PROSER2: variants seen among roughly 807,000 people sequenced by gnomAD.
The protein encoded by PROSER2 is proline and serine rich 2.
A neutral mutation model predicts 14.6 loss-of-function variants in PROSER2; 18 were observed. The observed-to-expected ratio is 1.23, with a 90% confidence interval of 0.85 to 1.83. PROSER2 has a LOEUF of 1.83. Among genes scored for constraint, PROSER2 ranks in the 40% most tolerant of loss-of-function variants. The probability of loss-of-function intolerance (pLI) is 0.00; values close to 1 mark genes in which losing one functional copy is unlikely to be tolerated. For synonymous variants in PROSER2, 367 were observed against 286.4 expected (o/e 1.28, Z -2.84); for missense variants, 823 against 629.8 (o/e 1.31, Z -3.28).
Position 11,869,746 on chromosome 10 carries a change from GTTCAGGGAGGGCC to G in PROSER2, c.649_661del (p.Phe217GlyfsTer132). 1 of 1,583,656 alleles carries G rather than the reference GTTCAGGGAGGGCC, an allele frequency of 6.3e-7. No homozygotes were observed. Among genetic ancestry groups the G allele is most frequent in the Non-Finnish European group, 8.6e-7 (1 of 1,166,350 alleles). On this transcript the variant is annotated frameshift_variant, in exon 4 of 4. Coordinates refer to ENST00000277570, the MANE Select transcript of PROSER2 (RefSeq NM_153256.4). LOFTEE classifies it low-confidence loss of function (END_TRUNC). This position sits in a 1 kb window ranked among gnomAD's most constrained non-coding sequence, Gnocchi z 4.4. Reference sequence around the variant, plus strand: ...ACGAAGCCCTCTCGCCCACCTCCCCGTTCAGGGAGGGCCGGCCCGGGGAGTGGAGGACACCTGC... The same window carrying G: ...ACGAAGCCCTCTCGCCCACCTCCCCGGGCCCGGGGAGTGGAGGACACCTGC...
At chr10:11,833,788 A>G (rs1277236534) in intron 1 of PROSER2, among the ~76,000 whole-genome samples, 2 of 152,222 alleles carry the variant, frequency 1.3e-5, no homozygotes, top group East Asian at 3.9e-4. Flanking sequence ...AATTGTATCC[A>G]AGTGGGAAAA....
Position 11,869,255 on chromosome 10 carries a change from T to C in PROSER2, c.392-235T>C. On this transcript the variant is annotated intron_variant, in intron 3 of 3. Transcript: ENST00000277570. This position sits in a 1 kb window ranked among gnomAD's most constrained non-coding sequence, Gnocchi z 4.4. ...CGGAATGTCTCCTAGGTGTGGACTG[T>C]CTGACTTGCAGGGCTATCGTGATTG... is the stretch of plus-strand genomic sequence containing the variant. 1.7e-6 allele frequency: 1 copy of C among 586,006 alleles called. No homozygotes were observed. Among genetic ancestry groups the C allele is most frequent in the Non-Finnish European group, 3.0e-6 (1 of 328,150 alleles). 36.3% of individuals were successfully genotyped at this position (586,006 alleles called of 1,614,324 possible). A position where few individuals can be genotyped will look rare whatever the true frequency, so the allele number is the denominator to read the frequency against.
In PROSER2 at chr10:11,862,835, A is replaced by AC. The variant is rs1439360656; in HGVS notation, c.139-3696_139-3695insC. 6.6e-6 allele frequency: 1 copy of AC among 152,060 alleles called. No individual in the cohort carries two copies. The highest frequency in any genetic ancestry group is 2.4e-5 in the African/African-American group (1 of 41,368). 9.4% of individuals were successfully genotyped at this position (152,060 alleles called of 1,614,324 possible). A position where few individuals can be genotyped will look rare whatever the true frequency, so the allele number is the denominator to read the frequency against. On this transcript the variant is annotated intron_variant, in intron 2 of 3. Transcript: ENST00000277570. This position sits in a 1 kb window ranked among gnomAD's most constrained non-coding sequence, Gnocchi z 4.2. Reference sequence around the variant, plus strand: ...TACTCACCTGTATTATGGAGAAAAAAAAGCTCAACATCATTAGTCTTCGTG... The same window carrying AC: ...TACTCACCTGTATTATGGAGAAAAAACAAGCTCAACATCATTAGTCTTCGTG...
Position 11,870,126 on chromosome 10 carries a change from A to G in PROSER2, c.1028A>G (p.Asn343Ser), listed in dbSNP as rs767757734. 30 of 1,372,926 alleles carry G rather than the reference A, an allele frequency of 2.2e-5. No individual in the cohort carries two copies. The highest frequency in any genetic ancestry group is 2.7e-5 in the Non-Finnish European group (29 of 1,068,628). 85.0% of individuals were successfully genotyped at this position (1,372,926 alleles called of 1,614,324 possible). The change falls in exon 4 of 4, where the codon AAC (asparagine) becomes AGC (serine). Residue 343 changes from asparagine (N) to serine (S), a missense_variant. By Grantham distance (46) the Asn-to-Ser change is conservative (BLOSUM62 1). Coordinates refer to ENST00000277570, the MANE Select transcript of PROSER2 (RefSeq NM_153256.4). The part of the protein sequence containing the change: ...GQAPRGPALA[N>S]GFPSAHEALK... Reference sequence around the variant, plus strand: ...GCTCCGCGGGGCCCGGCGCTGGCCAACGGCTTCCCAAGTGCGCACGAGGCC... The same window carrying G: ...GCTCCGCGGGGCCCGGCGCTGGCCAGCGGCTTCCCAAGTGCGCACGAGGCC...
intron 1 of PROSER2, among the ~76,000 whole-genome samples, chr10:11,843,896 G>T (rs1261664405): frequency 2.8e-5 from 4 of 145,382 alleles, no homozygotes; most frequent in Admixed American, 6.9e-5. Context: ...TAGGTTGAGG[G>T]TTTTTTTTTT....
chr10:11,842,456 T>C (rs1440241446), intron 1 of PROSER2, among the ~76,000 whole-genome samples: 1 of 152,070 alleles, frequency 6.6e-6, no homozygotes. Context: ...GTGGTTTCTC[T>C]AGAAATTTTA....
intron 2 of PROSER2, among the ~76,000 whole-genome samples, chr10:11,861,796 G>A (rs1168851822): frequency 6.6e-6 from 1 of 152,202 alleles, no homozygotes; most frequent in African/African-American, 2.4e-5. Context: ...CTTTACCAAA[G>A]AGTTGGCCAT....
At position 11,866,406 on chromosome 10, in the gene PROSER2, T is replaced by G. The variant is rs1588500621; in HGVS notation, c.139-125T>G. ...CACACGCAGGCACTGTGTGGCAGGGTACTCTCGGGACACAGTGAGTTCCGC... is the reference window on the plus strand; with the variant it reads ...CACACGCAGGCACTGTGTGGCAGGGGACTCTCGGGACACAGTGAGTTCCGC... On this transcript the variant is annotated intron_variant, in intron 2 of 3. Transcript: ENST00000277570. The surrounding 1 kb of genome is among the most constrained non-coding windows in gnomAD (Gnocchi z 6.0). The G allele has an allele frequency of 1.8e-5, 20 of 1,102,678 alleles. No individual in the cohort carries two copies. Among genetic ancestry groups the G allele is most frequent in the African/African-American group, 1.6e-5 (1 of 64,478 alleles). 68.3% of individuals were successfully genotyped at this position (1,102,678 alleles called of 1,614,324 possible).
At chr10:11,829,512 G>A (rs1011462446) in intron 1 of PROSER2, among the ~76,000 whole-genome samples, 1 of 151,852 alleles carries the variant, frequency 6.6e-6, no homozygotes, top group Middle Eastern at 3.2e-3. Flanking sequence ...AGCCCAGGAG[G>A]TTGAGGCTAC....
chr10:11,843,182 C>T (rs1302762858), intron 1 of PROSER2, among the ~76,000 whole-genome samples: 13 of 149,532 alleles, frequency 8.7e-5, no homozygotes, highest in South Asian at 4.2e-4. Flanking sequence ...CCTCGTGATC[C>T]GCCCACCTCG....
In PROSER2 at chr10:11,870,105, C is replaced by T. The variant is rs1243242713; in HGVS notation, c.1007C>T (p.Pro336Leu). The T allele has an allele frequency of 7.6e-7, 1 of 1,322,990 alleles. No homozygotes were observed. The highest frequency in any genetic ancestry group is 9.6e-7 in the Non-Finnish European group (1 of 1,038,916). 82.0% of individuals were successfully genotyped at this position (1,322,990 alleles called of 1,614,324 possible). A position where few individuals can be genotyped will look rare whatever the true frequency, so the allele number is the denominator to read the frequency against. The change falls in exon 4 of 4, where the codon CCG (proline) becomes CTG (leucine). Residue 336 changes from proline to leucine, a missense_variant. Coordinates refer to ENST00000277570, the MANE Select transcript of PROSER2 (RefSeq NM_153256.4). ...AESLRAGGQA[P>L]RGPALANGFP... Reference sequence around the variant, plus strand: ...AGTCTCCGGGCAGGGGGTCAGGCTCCGCGGGGCCCGGCGCTGGCCAACGGC... The same window carrying T: ...AGTCTCCGGGCAGGGGGTCAGGCTCTGCGGGGCCCGGCGCTGGCCAACGGC...
chr10:11,871,496 G>A lies in PROSER2; in HGVS notation c.*1090G>A, dbSNP rs79085103. ...ATCCAATTTTAGTTCTGCATGTTCC[G>A]AGGTAGCCAGTCAACAGAAGGAAGC... On this transcript the variant is annotated 3_prime_UTR_variant, in exon 4 of 4. Coordinates refer to ENST00000277570, the MANE Select transcript of PROSER2 (RefSeq NM_153256.4). 8.5e-5 allele frequency: 13 copies of A among 152,124 alleles called. No individual in the cohort carries two copies. Among genetic ancestry groups the A allele is most frequent in the African/African-American group, 2.7e-4 (11 of 41,396 alleles). The allele number at this position is 152,124 out of a possible 1,614,324, so 9.4% of individuals were successfully genotyped here. A position where few individuals can be genotyped will look rare whatever the true frequency, so the allele number is the denominator to read the frequency against.
intron 1 of PROSER2, among the ~76,000 whole-genome samples, chr10:11,841,873 T>A (rs1190355994): frequency 6.6e-6 from 1 of 152,228 alleles, no homozygotes; most frequent in East Asian, 1.9e-4. Context: ...GTTGTAAATC[T>A]TGATGAGATC....
At position 11,823,578 on chromosome 10, in the gene PROSER2, G is replaced by C. The variant is rs968820899; in HGVS notation, c.-82+108G>C. The C allele has an allele frequency of 6.6e-6, 1 of 152,498 alleles. No homozygotes were observed. Among genetic ancestry groups the C allele is most frequent in the Non-Finnish European group, 1.5e-5 (1 of 68,432 alleles). 9.4% of individuals were successfully genotyped at this position (152,498 alleles called of 1,614,324 possible). The stretch of plus-strand genomic sequence containing the variant: ...GGGACGCCGGCGGGTCGGGCAGAGA[G>C]GGGGCGCCGGACCCTGCCTTGGCGC... On this transcript the variant is annotated intron_variant, in intron 1 of 3. Transcript: ENST00000277570. This position sits in a 1 kb window ranked among gnomAD's most constrained non-coding sequence, Gnocchi z 6.2.
intron 2 of PROSER2, among the ~76,000 whole-genome samples, chr10:11,860,487 G>T (rs946011761): frequency 6.6e-6 from 1 of 151,920 alleles, no homozygotes; most frequent in African/African-American, 2.4e-5. Context: ...GTGGTGGCGG[G>T]TGCCTGTAAT....
At chr10:11,859,019 AAAAAAAAAAAAAAG>A (rs1486937296) in intron 2 of PROSER2, among the ~76,000 whole-genome samples, 5 of 99,644 alleles carry the variant, frequency 5.0e-5, no homozygotes, top group Admixed American at 1.1e-4. Flanking sequence ...AAAAAAAAAA[AAAAAAAAAAAAAAG>A]GAGAGATGGT....
chr10:11,868,204 A>G (rs1321928899), intron 3 of PROSER2, among the ~76,000 whole-genome samples: 1 of 152,262 alleles, frequency 6.6e-6, no homozygotes, highest in East Asian at 1.9e-4. Flanking sequence ...TCACGTAGTC[A>G]TGCCAAGGAA....
Position 11,869,955 on chromosome 10 carries a change from T to G in PROSER2, c.857T>G (p.Leu286Trp). The change falls in exon 4 of 4, where the codon TTG (leucine) becomes TGG (tryptophan). Residue 286 changes from leucine (L) to tryptophan (W), a missense_variant. Leu to Trp is a moderately conservative substitution (Grantham distance 61). Transcript: ENST00000277570. This position sits in a 1 kb window ranked among gnomAD's most constrained non-coding sequence, Gnocchi z 4.4. The part of the protein sequence containing the change: ...VSVQERRAQV[L>W]ATIHGHAGAF... ...GTGCAGGAGCGCAGGGCGCAGGTGT[T>G]GGCCACCATCCACGGCCACGCCGGC... 1.4e-6 allele frequency: 2 copies of G among 1,450,840 alleles called. No individual in the cohort carries two copies. The highest frequency in any genetic ancestry group is 1.8e-6 in the Non-Finnish European group (2 of 1,106,504). 89.9% of individuals were successfully genotyped at this position (1,450,840 alleles called of 1,614,324 possible). A position where few individuals can be genotyped will look rare whatever the true frequency, so the allele number is the denominator to read the frequency against.
At chr10:11,858,281 T>C (rs1348558969) in intron 2 of PROSER2, among the ~76,000 whole-genome samples, 1 of 152,194 alleles carries the variant, frequency 6.6e-6, no homozygotes, top group Non-Finnish European at 1.5e-5. Flanking sequence ...ATTTTAAGCC[T>C]TCTCAGCATT....
Sources: gnomAD v4.1 joint callset for allele counts (sites outside exome capture counted in the v4.1 genomes callset) on GRCh38, gnomAD v4.1.1 for gene constraint, Gnocchi (gnomAD v3.1) non-coding constraint, MANE v1.5 for transcripts, NCBI Gene and HGNC (gene_info 2026-07-23, HGNC 2026-07-21) for gene names.